Variants in CACNA1C observed in about 807,000 individuals in gnomAD.
The protein encoded by CACNA1C is voltage-dependent L-type calcium channel subunit alpha-1C.
A neutral mutation model predicts 229.0 loss-of-function variants in CACNA1C; 30 were observed. That is an observed-to-expected ratio of 0.13 (90% CI 0.10 to 0.18). The LOEUF (loss-of-function observed/expected upper bound fraction) is 0.18, where lower values mean the gene tolerates loss of function less well. Ranked by LOEUF, CACNA1C falls within the 10% of genes least tolerant of loss-of-function variation. The pLI, the probability that CACNA1C is intolerant of heterozygous loss-of-function variation, is 1.00. For missense variants in CACNA1C, 1,658 were observed against 2,845.0 expected (o/e 0.58, Z 9.49); for synonymous variants, 1,114 against 1,132.5 (o/e 0.98, Z 0.33).
rs751558927 is a variant in CACNA1C at position 2,138,316 on chromosome 12, C to T, written c.477+17886C>T. ...GTCCCTGTGGCCAGGCCAGCCTTCA[C>T]AGGGCTGGGGAGCACAAGCCTTGGT... On this transcript the variant is annotated intron_variant, in intron 3 of 46. Coordinates refer to ENST00000399655, the MANE Select transcript of CACNA1C (RefSeq NM_000719.7). Among the ~76,000 whole-genome samples the T allele has an allele frequency of 4.0e-5, 6 of 151,224 alleles. 1 individual carries two copies.
chr12:2,537,704 G>A (rs1344734197), intron 9 of CACNA1C, among the ~76,000 whole-genome samples: 6 of 152,238 alleles, frequency 3.9e-5, no homozygotes, highest in Non-Finnish European at 8.8e-5. Context: ...TTCCAAAGGA[G>A]TGCTCTAGAG....
In CACNA1C at chr12:2,330,101, A is replaced by G. The variant is rs921081005; in HGVS notation, c.478-118875A>G. Among the ~76,000 whole-genome samples, 17 of 152,344 alleles carry G rather than the reference A, an allele frequency of 1.1e-4. 2 individuals are homozygous for G. Among genetic ancestry groups the G allele is most frequent in the Admixed American group, 8.5e-4 (13 of 15,302 alleles). On this transcript the variant is annotated intron_variant, in intron 3 of 46. Coordinates refer to ENST00000399655, the MANE Select transcript of CACNA1C (RefSeq NM_000719.7). Reference sequence around the variant, plus strand: ...GGGTCTCCCCACTCACATGGGGTGGACATATGCTGAGAGAAGGGTGGATGG... The same window carrying G: ...GGGTCTCCCCACTCACATGGGGTGGGCATATGCTGAGAGAAGGGTGGATGG...
At chr12:2,072,955 C>T (rs747428188) in intron 1 of CACNA1C, among the ~76,000 whole-genome samples, 15 of 152,158 alleles carry the variant, frequency 9.9e-5, no homozygotes, top group South Asian at 6.2e-4. Flanking sequence ...AGATACCAGA[C>T]GGACACAGTG....
intron 38 of CACNA1C, among the ~76,000 whole-genome samples, chr12:2,673,703 G>C (rs71458007): frequency 2.6e-5 from 4 of 152,106 alleles, no homozygotes; most frequent in African/African-American, 9.7e-5. Context: ...TGCTCCTAGA[G>C]GCTGCCTCTC....
upstream of CACNA1C, among the ~76,000 whole-genome samples, chr12:2,048,141 A>G (rs1041424852): frequency 6.6e-6 from 1 of 152,206 alleles, no homozygotes; most frequent in African/African-American, 2.4e-5. Context: ...TCCACCTTCC[A>G]GAGGCTCCAC....
At position 2,352,250 on chromosome 12, in the gene CACNA1C, G is replaced by T. The variant is rs536198992; in HGVS notation, c.478-96726G>T. Among the ~76,000 whole-genome samples the T allele has an allele frequency of 3.3e-4, 50 of 152,276 alleles. 1 individual carries two copies. Among genetic ancestry groups the T allele is most frequent in the African/African-American group, 1.1e-3 (46 of 41,536 alleles). On this transcript the variant is annotated intron_variant, in intron 3 of 46. Transcript: ENST00000399655. ...CATTACTTTCTTCTCCCACTCTCCT[G>T]CTCATTTGACGAGGTCTCCTAGGCT... is the stretch of plus-strand genomic sequence containing the variant.
At chr12:2,182,500 C>T (rs938714657) in intron 3 of CACNA1C, among the ~76,000 whole-genome samples, 13 of 152,196 alleles carry the variant, frequency 8.5e-5, no homozygotes, top group African/African-American at 1.7e-4. Flanking sequence ...TGAGCCCTGT[C>T]GGGGGTCGCT....
chr12:2,267,749 A>T (rs2082938273), intron 3 of CACNA1C, among the ~76,000 whole-genome samples: 1 of 152,162 alleles, frequency 6.6e-6, no homozygotes, highest in African/African-American at 2.4e-5. Flanking sequence ...GCCCTCTCTG[A>T]GCAGGGGGGT....
At chr12:2,214,842 C>T (rs988103842) in intron 3 of CACNA1C, among the ~76,000 whole-genome samples, 2 of 151,244 alleles carry the variant, frequency 1.3e-5, no homozygotes, top group Non-Finnish European at 2.9e-5. Context: ...TTCCTTTGAC[C>T]CCATCCCTTC....
chr12:2,156,954 A>T (rs960202845), intron 3 of CACNA1C, among the ~76,000 whole-genome samples: 1 of 152,214 alleles, frequency 6.6e-6, no homozygotes, highest in African/African-American at 2.4e-5. Context: ...CAGACTTTGC[A>T]TGTACTGTAT....
intron 5 of CACNA1C, among the ~76,000 whole-genome samples, chr12:2,460,924 A>G (rs1021370408): frequency 6.6e-6 from 1 of 152,200 alleles, no homozygotes; most frequent in African/African-American, 2.4e-5. Flanking sequence ...CATGCAGACC[A>G]TGGTGGATCA....
chr12:2,035,137 C>T (rs1458228340), intron 1 of CACNA1C, among the ~76,000 whole-genome samples: 1 of 152,178 alleles, frequency 6.6e-6, no homozygotes, highest in African/African-American at 2.4e-5. Flanking sequence ...TCCCCTGCGC[C>T]GGCGCGTGTG....
Position 2,567,572 on chromosome 12 carries a change from C to T in CACNA1C, c.1673C>T (p.Thr558Met), listed in dbSNP as rs572234918. The T allele has an allele frequency of 7.3e-5, 116 of 1,580,104 alleles. No individual in the cohort carries two copies. In the East Asian group the frequency reaches 8.5e-4, roughly 12 times the overall value. ...ATCCCTCTCCTGGGCCTGCCAGACA[C>T]GGCAAACAAGGCCCTGCTGGCCCTG... ...QPNWLTEVQD[T>M]ANKALLALFT... Residue 558 changes from threonine (T) to methionine (M), a missense_variant, in exon 13 of 47, where the codon ACG becomes ATG. Coordinates refer to ENST00000399655, the MANE Select transcript of CACNA1C (RefSeq NM_000719.7).
At chr12:2,516,841 G>A (rs958541835) in intron 9 of CACNA1C, among the ~76,000 whole-genome samples, 3 of 152,184 alleles carry the variant, frequency 2.0e-5, no homozygotes, top group African/African-American at 7.2e-5. Flanking sequence ...AGAGATCTGT[G>A]GCTGAACTGT....
At chr12:2,567,024 G>A (rs956924650) in intron 12 of CACNA1C, among the ~76,000 whole-genome samples, 17 of 152,228 alleles carry the variant, frequency 1.1e-4, no homozygotes, top group South Asian at 2.1e-4. Context: ...ACAAGGAACC[G>A]TCTTCAATGG....
chr12:2,163,024 C>T (rs1465861028), intron 3 of CACNA1C, among the ~76,000 whole-genome samples: 1 of 151,946 alleles, frequency 6.6e-6, no homozygotes, highest in Middle Eastern at 3.2e-3. Flanking sequence ...TATGGAGAAA[C>T]CCCATCTCTA....
intron 3 of CACNA1C, among the ~76,000 whole-genome samples, chr12:2,300,433 C>A (rs1382661040): frequency 6.6e-6 from 1 of 151,658 alleles, no homozygotes; most frequent in African/African-American, 2.4e-5. Context: ...CCAGCCTGGG[C>A]AACATGGTGA....
chr12:2,303,853 C>T (rs2094788273), intron 3 of CACNA1C, among the ~76,000 whole-genome samples: 1 of 152,202 alleles, frequency 6.6e-6, no homozygotes, highest in Non-Finnish European at 1.5e-5. Flanking sequence ...GCCCAGAAAA[C>T]CTGTGTGTTT....
chr12:2,563,138 T>G lies in CACNA1C; in HGVS notation c.1509-3284T>G, dbSNP rs563722148. ...TGAGTGAGAATATGTACAATTTGTC[T>G]TTCTGTGCCTGGCTTATTTCACTTA... On this transcript the variant is annotated intron_variant, in intron 11 of 46. Transcript: ENST00000399655. Among the ~76,000 whole-genome samples the G allele has an allele frequency of 1.3e-4, 20 of 152,392 alleles. No individual in the cohort carries two copies. In the East Asian group the frequency reaches 3.3e-3, roughly 25 times the overall value.
Sources: allele counts gnomAD v4.1 joint callset (sites outside exome capture counted in the v4.1 genomes callset), GRCh38; gene constraint gnomAD v4.1.1; transcripts MANE v1.5; gene names NCBI Gene and HGNC (gene_info 2026-07-23, HGNC 2026-07-21).